The following CDH13 variants were observed in gnomAD, a reference collection of about 807,000 sequenced individuals.
CDH13 encodes cadherin 13, also known as cadherin-13.
Under a neutral mutation model 63.8 loss-of-function variants are expected in CDH13, and 24 were observed. The observed-to-expected ratio is 0.38, with a 90% confidence interval of 0.27 to 0.53. CDH13 has a LOEUF of 0.53. Ranked by LOEUF, CDH13 falls within the 20% of genes least tolerant of loss-of-function variation. The pLI, the probability that CDH13 is intolerant of heterozygous loss-of-function variation, is 0.85. For synonymous variants in CDH13, 503 were observed against 355.3 expected (o/e 1.42, Z -4.67); for missense variants, 1,049 against 903.1 (o/e 1.16, Z -2.07).
intron 6 of CDH13, among the ~76,000 whole-genome samples, chr16:83,412,563 A>C (rs1057351093): frequency 6.6e-6 from 1 of 152,244 alleles, no homozygotes; most frequent in African/African-American, 2.4e-5. Flanking sequence ...TGATGCAGCC[A>C]CCTCGAAATG....
At chr16:82,645,901 G>C (rs1910036457) in intron 1 of CDH13, among the ~76,000 whole-genome samples, 1 of 152,262 alleles carries the variant, frequency 6.6e-6, no homozygotes, top group Non-Finnish European at 1.5e-5. Context: ...GAAATGTGAA[G>C]ACGAGATTGC....
chr16:82,661,238 T>C (rs1448464767), intron 1 of CDH13, among the ~76,000 whole-genome samples: 1 of 152,220 alleles, frequency 6.6e-6, no homozygotes, highest in African/African-American at 2.4e-5. Flanking sequence ...AATGAGATAG[T>C]CCTGAGGACA....
chr16:83,341,367 G>C (rs1017808753), intron 5 of CDH13, among the ~76,000 whole-genome samples: 2 of 152,172 alleles, frequency 1.3e-5, no homozygotes, highest in Non-Finnish European at 2.9e-5. Flanking sequence ...CTAACTGTGG[G>C]TCTGACCTTC....
intron 7 of CDH13, among the ~76,000 whole-genome samples, chr16:83,530,367 C>G (rs1369499523): frequency 6.6e-6 from 1 of 152,162 alleles, no homozygotes; most frequent in Non-Finnish European, 1.5e-5. Flanking sequence ...ATATTAGACA[C>G]CTTCTTACAC....
chr16:83,653,659 G>T (rs1470386619), intron 8 of CDH13, among the ~76,000 whole-genome samples: 1 of 152,140 alleles, frequency 6.6e-6, no homozygotes, highest in African/African-American at 2.4e-5. Flanking sequence ...GGTAAATGAA[G>T]AATCAATCTG....
At chr16:82,986,791 C>T (rs770477497) in intron 2 of CDH13, among the ~76,000 whole-genome samples, 12 of 152,136 alleles carry the variant, frequency 7.9e-5, no homozygotes, top group Admixed American at 4.6e-4. Context: ...CTACAAATAC[C>T]GCAAATGGGT....
chr16:83,779,134 C>T (rs553574278), intron 11 of CDH13, among the ~76,000 whole-genome samples: 50 of 152,172 alleles, frequency 3.3e-4, no homozygotes, highest in Admixed American at 2.9e-3. Flanking sequence ...AGGCCGGATG[C>T]GGTGGCTCAT....
chr16:83,738,376 C>T (rs1041149188), intron 10 of CDH13, among the ~76,000 whole-genome samples: 1 of 152,220 alleles, frequency 6.6e-6, no homozygotes, highest in Non-Finnish European at 1.5e-5. Flanking sequence ...CTGGAAGCCT[C>T]TAGGCAAAAA....
intron 5 of CDH13, among the ~76,000 whole-genome samples, chr16:83,339,786 A>C (rs1409996973): frequency 6.6e-6 from 1 of 152,112 alleles, no homozygotes; most frequent in Non-Finnish European, 1.5e-5. Flanking sequence ...TGATCAGCCA[A>C]GCTTTCCACC....
At chr16:82,846,766 G>T (rs1357744114) in intron 1 of CDH13, among the ~76,000 whole-genome samples, 1 of 152,106 alleles carries the variant, frequency 6.6e-6, no homozygotes, top group African/African-American at 2.4e-5. Flanking sequence ...CCAGAGCCTG[G>T]CAGATAATAG....
At chr16:83,675,514 T>C (rs1914881282) in intron 9 of CDH13, among the ~76,000 whole-genome samples, 1 of 152,166 alleles carries the variant, frequency 6.6e-6, no homozygotes, top group Non-Finnish European at 1.5e-5. Flanking sequence ...GCCGGGGAAA[T>C]GACTCTTGCA....
intron 4 of CDH13, among the ~76,000 whole-genome samples, chr16:83,196,813 A>T (rs1229661729): frequency 5.3e-5 from 8 of 152,256 alleles, no homozygotes; most frequent in African/African-American, 1.9e-4. Flanking sequence ...AAAGATGTGC[A>T]GAAACCATCA....
At chr16:82,730,458 A>C (rs567650007) in intron 1 of CDH13, among the ~76,000 whole-genome samples, 6 of 152,202 alleles carry the variant, frequency 3.9e-5, no homozygotes, top group Non-Finnish European at 8.8e-5. Context: ...GTAAGGCCAT[A>C]CACATACAAC....
chr16:83,555,467 T>G (rs1208523794), intron 7 of CDH13, among the ~76,000 whole-genome samples: 1 of 152,208 alleles, frequency 6.6e-6, no homozygotes, highest in Non-Finnish European at 1.5e-5. Context: ...TCTTTTTATA[T>G]GAATTTCAGA....
intron 2 of CDH13, chr16:82,953,779 A>C (rs1485567178): frequency 1.3e-5 from 2 of 152,236 alleles, no homozygotes; most frequent in African/African-American, 4.8e-5. Flanking sequence ...GAAAGCCAAG[A>C]CAGGCTTCCA....
intron 1 of CDH13, among the ~76,000 whole-genome samples, chr16:82,786,711 G>A (rs111397798): frequency 1.5e-5 from 2 of 133,366 alleles, no homozygotes; most frequent in Middle Eastern, 4.5e-3. Flanking sequence ...GTGTCCAAGC[G>A]TTCTCATTGT....
intron 2 of CDH13, among the ~76,000 whole-genome samples, chr16:82,957,700 T>C (rs1207182541): frequency 6.6e-6 from 1 of 152,230 alleles, no homozygotes; most frequent in Non-Finnish European, 1.5e-5. Flanking sequence ...ACAAATTCCC[T>C]AAGTTTTCTG....
At chr16:83,675,870 G>C (rs569846630) in intron 9 of CDH13, among the ~76,000 whole-genome samples, 18 of 152,326 alleles carry the variant, frequency 1.2e-4, no homozygotes, top group African/African-American at 4.3e-4. Context: ...TCTAGTGCTA[G>C]AGAAAAGCAC....
chr16:83,593,711 A>T (rs1906982753), intron 7 of CDH13, among the ~76,000 whole-genome samples: 2 of 152,130 alleles, frequency 1.3e-5, no homozygotes, highest in Non-Finnish European at 2.9e-5. Context: ...TTATAATATG[A>T]CTAATTGTTA....
Sources: allele counts gnomAD v4.1 joint callset (sites outside exome capture counted in the v4.1 genomes callset), GRCh38; gene constraint gnomAD v4.1.1; transcripts MANE v1.5; gene names NCBI Gene and HGNC (gene_info 2026-07-23, HGNC 2026-07-21).